FSTL5: variants seen among roughly 807,000 people sequenced by gnomAD.
FSTL5 encodes follistatin like 5, also known as follistatin-related protein 5.
In FSTL5, 62 loss-of-function variants were observed where a neutral mutation model predicts 89.1. The observed-to-expected ratio is 0.70, with a 90% CI of 0.57 to 0.86. The LOEUF is 0.86. Among genes scored for constraint, FSTL5 ranks in the 40% least tolerant of loss-of-function variants. FSTL5 has a pLI of 0.00. For synonymous variants in FSTL5, 383 were observed against 346.2 expected, an observed-to-expected ratio of 1.11 and a Z score of -1.18; for missense variants, 1,057 against 1,001.6, an observed-to-expected ratio of 1.06 and a Z score of -0.75.
At chr4:162,037,029 C>T (rs1393852464) in intron 2 of FSTL5, among the ~76,000 whole-genome samples, 2 of 151,528 alleles carry the variant, frequency 1.3e-5, no homozygotes, top group Non-Finnish European at 2.9e-5. Context: ...TGGCCTTTTG[C>T]TTTATTTTGT....
chr4:161,990,399 A>T (rs983001581), intron 3 of FSTL5, among the ~76,000 whole-genome samples: 10 of 152,150 alleles, frequency 6.6e-5, no homozygotes. Context: ...AAATTTTATA[A>T]TCTTATAAAA....
At chr4:161,422,039 A>T (rs1732008790) in intron 15 of FSTL5, among the ~76,000 whole-genome samples, 1 of 152,052 alleles carries the variant, frequency 6.6e-6, no homozygotes, top group South Asian at 2.1e-4. Flanking sequence ...TGCTATGTAT[A>T]TTATATACGG....
At chr4:162,018,571 A>C (rs1305279141) in intron 3 of FSTL5, among the ~76,000 whole-genome samples, 1 of 152,136 alleles carries the variant, frequency 6.6e-6, no homozygotes, top group African/African-American at 2.4e-5. Context: ...CATTGTTGGC[A>C]GTAAAGCCTA....
intron 6 of FSTL5, among the ~76,000 whole-genome samples, chr4:161,692,341 C>CATGT (rs35226602): frequency 1.3e-5 from 2 of 148,752 alleles, no homozygotes; most frequent in Non-Finnish European, 3.0e-5. Flanking sequence ...ATATGGAGAT[C>CATGT]GTGTGTGTGT....
intron 3 of FSTL5, among the ~76,000 whole-genome samples, chr4:161,941,526 C>T (rs1484959723): frequency 6.6e-6 from 1 of 151,784 alleles, no homozygotes; most frequent in Non-Finnish European, 1.5e-5. Flanking sequence ...GTAGACAATA[C>T]ATCTAAAATT....
At chr4:161,404,702 G>T (rs1731297161) in intron 15 of FSTL5, among the ~76,000 whole-genome samples, 1 of 149,994 alleles carries the variant, frequency 6.7e-6, no homozygotes, top group Non-Finnish European at 1.5e-5. Flanking sequence ...TGAGAAAAGT[G>T]ACTTAAAAAA....
intron 6 of FSTL5, among the ~76,000 whole-genome samples, chr4:161,756,677 G>A (rs1018296944): frequency 6.6e-6 from 1 of 151,982 alleles, no homozygotes; most frequent in African/African-American, 2.4e-5. Flanking sequence ...CCCCTTGACA[G>A]GTGCAAGCAG....
At position 162,036,109 on chromosome 4, in the gene FSTL5, A is replaced by G. The variant is rs539017831; in HGVS notation, c.127-2451T>C. Reference sequence around the variant, plus strand: ...TTCCATATAGCTCATTCTTTTAGCAATCTCGTCTAATCTCTTAGCCTTAAG... The same window carrying G: ...TTCCATATAGCTCATTCTTTTAGCAGTCTCGTCTAATCTCTTAGCCTTAAG... On this transcript the variant is annotated intron_variant, in intron 2 of 15. Transcript: ENST00000306100. Among the ~76,000 whole-genome samples the G allele has an allele frequency of 7.9e-5, 12 of 152,176 alleles. No individual in the cohort carries two copies. In the East Asian group the frequency reaches 1.7e-3, roughly 22 times the overall value.
chr4:161,569,078 C>T (rs1419078169), intron 8 of FSTL5, among the ~76,000 whole-genome samples: 1 of 152,060 alleles, frequency 6.6e-6, no homozygotes, highest in Non-Finnish European at 1.5e-5. Context: ...TTTCATTACA[C>T]CCTCAACCTC....
At chr4:161,913,469 T>A (rs1733754943) in intron 4 of FSTL5, among the ~76,000 whole-genome samples, 2 of 152,142 alleles carry the variant, frequency 1.3e-5, no homozygotes, top group Non-Finnish European at 2.9e-5. Context: ...CCTGGCAGCT[T>A]CCATGTGGCA....
intron 12 of FSTL5, among the ~76,000 whole-genome samples, chr4:161,487,222 G>A (rs902203021): frequency 3.3e-5 from 5 of 151,988 alleles, no homozygotes; most frequent in Admixed American, 2.0e-4. Context: ...TAGTAAATAC[G>A]TGTTTAAATA....
chr4:162,084,950 A>G (rs1198487537), intron 2 of FSTL5, among the ~76,000 whole-genome samples: 1 of 152,128 alleles, frequency 6.6e-6, no homozygotes, highest in Non-Finnish European at 1.5e-5. Context: ...TTTTAAATGT[A>G]AAGGTAAATT....
chr4:161,684,822 C>A (rs1053035107), intron 6 of FSTL5, among the ~76,000 whole-genome samples: 1 of 152,024 alleles, frequency 6.6e-6, no homozygotes, highest in Non-Finnish European at 1.5e-5. Context: ...GTCATGAAAT[C>A]CTTGCCTAAG....
intron 6 of FSTL5, among the ~76,000 whole-genome samples, chr4:161,733,233 G>T (rs1739677576): frequency 6.6e-6 from 1 of 151,498 alleles, no homozygotes; most frequent in African/African-American, 2.4e-5. Flanking sequence ...TTATATTTTT[G>T]TTGCTTTTGT....
At chr4:162,154,812 GT>G (rs58611928) in intron 1 of FSTL5, among the ~76,000 whole-genome samples, 18 of 150,698 alleles carry the variant, frequency 1.2e-4, no homozygotes, top group African/African-American at 3.6e-4. Context: ...AACTATGCAG[GT>G]TTTTTTTTAC....
rs200961993 is a variant in FSTL5 at position 161,819,158 on chromosome 4, A to G, written c.410-43084T>C. On this transcript the variant is annotated intron_variant, in intron 4 of 15. Transcript: ENST00000306100. ...AACCTTACTTTTCTACTATTTTAAT[A>G]TATGAAGTTATATGTTTATCTAATA... 2.6e-3 allele frequency among the ~76,000 whole-genome samples: 402 copies of G among 152,244 alleles called. 6 individuals carry two copies. In the South Asian group the frequency reaches 0.051, roughly 19 times the overall value.
chr4:161,407,482 A>T (rs888648094), intron 15 of FSTL5, among the ~76,000 whole-genome samples: 11 of 152,176 alleles, frequency 7.2e-5, no homozygotes, highest in African/African-American at 2.7e-4. Context: ...TCCCCTCCCC[A>T]ACAGTGCCTG....
chr4:162,003,619 T>C (rs147805290), intron 3 of FSTL5, among the ~76,000 whole-genome samples: 4 of 152,106 alleles, frequency 2.6e-5, no homozygotes, highest in African/African-American at 4.8e-5. Context: ...ATGATGAAAA[T>C]AGAAAAAAAT....
intron 2 of FSTL5, among the ~76,000 whole-genome samples, chr4:162,102,649 T>G (rs1458662578): frequency 6.8e-6 from 1 of 146,020 alleles, no homozygotes; most frequent in Non-Finnish European, 1.5e-5. Flanking sequence ...ATATGTATAT[T>G]TATATATACA....
Sources: gnomAD v4.1 joint callset for allele counts (sites outside exome capture counted in the v4.1 genomes callset) on GRCh38, gnomAD v4.1.1 for gene constraint, MANE v1.5 for transcripts, NCBI Gene and HGNC (gene_info 2026-07-23, HGNC 2026-07-21) for gene names.